The following SH3GL3 variants were observed in gnomAD, a reference collection of about 807,000 sequenced individuals.
The protein encoded by SH3GL3 is endophilin-A3.
Under a neutral mutation model 47.7 loss-of-function variants are expected in SH3GL3, and 33 were observed. The ratio of observed to expected loss-of-function variants is 0.69; its 90% CI spans 0.52 to 0.92. SH3GL3 has a LOEUF of 0.92. SH3GL3 is among the 40% of genes least tolerant of loss of function. The probability of loss-of-function intolerance (pLI) is 0.00; values close to 1 mark genes in which losing one functional copy is unlikely to be tolerated. For synonymous variants in SH3GL3, 155 were observed against 148.8 expected (o/e 1.04, Z -0.30); for missense variants, 363 against 417.8 (o/e 0.87, Z 1.14).
chr15:83,519,863 C>T lies in SH3GL3; in HGVS notation c.46-39390C>T, dbSNP rs1596165490. On this transcript the variant is annotated intron_variant, in intron 1 of 8. Transcript: ENST00000427482. ...ATTATGAAGCTACTCTTTATTTCAT[C>T]TTCTAAAGCTTTATAGTTTTGTTTT... Among the ~76,000 whole-genome samples the T allele has an allele frequency of 3.3e-5, 5 of 152,258 alleles. No individual in the cohort carries two copies. In the South Asian group the frequency reaches 6.2e-4, roughly 19 times the overall value.
chr15:83,521,646 G>T (rs1048853691), intron 1 of SH3GL3, among the ~76,000 whole-genome samples: 2 of 152,170 alleles, frequency 1.3e-5, no homozygotes, highest in South Asian at 4.1e-4. Context: ...TTGCAGAGTA[G>T]AATCACTGAG....
chr15:83,577,513 A>T (rs1457300809), intron 6 of SH3GL3, among the ~76,000 whole-genome samples: 1 of 151,844 alleles, frequency 6.6e-6, no homozygotes, highest in Non-Finnish European at 1.5e-5. Context: ...CGATCTTCCC[A>T]CCTCAGCCTC....
In SH3GL3 at chr15:83,526,665, G is replaced by A. The variant is rs986718975; in HGVS notation, c.46-32588G>A. On this transcript the variant is annotated intron_variant, in intron 1 of 8. Transcript: ENST00000427482. ...AACAGCAGACACTGGGCCTTCCAGA[G>A]GGTGGAGGGTTGAAGGAAGGAGAGG... 6.6e-5 allele frequency among the ~76,000 whole-genome samples: 10 copies of A among 152,140 alleles called. No individual in the cohort carries two copies. The South Asian group carries it at 2.1e-3, about 32-fold the overall frequency.
chr15:83,577,655 G>A (rs1470992386), intron 6 of SH3GL3, among the ~76,000 whole-genome samples: 1 of 152,100 alleles, frequency 6.6e-6, no homozygotes. Flanking sequence ...GCCTCCCAAA[G>A]TGCTGGGATT....
intron 1 of SH3GL3, among the ~76,000 whole-genome samples, chr15:83,551,248 G>A (rs2044654242): frequency 6.6e-6 from 1 of 152,172 alleles, no homozygotes. Flanking sequence ...ATCTCTGACT[G>A]TAGCACCAAG....
At chr15:83,517,565 A>G (rs146401081) in intron 1 of SH3GL3, among the ~76,000 whole-genome samples, 28 of 152,048 alleles carry the variant, frequency 1.8e-4, no homozygotes, top group East Asian at 5.8e-4. Context: ...ACCTTTTCGT[A>G]TATTTATTGG....
At chr15:83,600,878 T>G (rs2060361600) in intron 8 of SH3GL3, among the ~76,000 whole-genome samples, 1 of 152,164 alleles carries the variant, frequency 6.6e-6, no homozygotes, top group Admixed American at 6.5e-5. Flanking sequence ...TTCAGCAGTA[T>G]TTTGTAGTTT....
intron 8 of SH3GL3, among the ~76,000 whole-genome samples, chr15:83,599,933 G>A (rs550896289): frequency 1.2e-4 from 18 of 151,924 alleles, no homozygotes; most frequent in Admixed American, 3.3e-4. Flanking sequence ...TGCATTTCCC[G>A]GATCATTAGT....
intron 6 of SH3GL3, among the ~76,000 whole-genome samples, chr15:83,584,071 A>C (rs2059900488): frequency 6.6e-6 from 1 of 152,184 alleles, no homozygotes. Flanking sequence ...TCCAGCCTAG[A>C]GTCCTAAAAT....
intron 1 of SH3GL3, among the ~76,000 whole-genome samples, chr15:83,502,910 T>G (rs989649978): frequency 1.3e-5 from 2 of 152,180 alleles, no homozygotes; most frequent in Non-Finnish European, 2.9e-5. Flanking sequence ...TCCCAATATA[T>G]ATACCAGAGG....
intron 1 of SH3GL3, among the ~76,000 whole-genome samples, chr15:83,521,281 T>C (rs1484632623): frequency 1.3e-5 from 2 of 152,252 alleles, no homozygotes; most frequent in East Asian, 1.9e-4. Context: ...GGAACCGTGC[T>C]AAGTATTTCA....
chr15:83,581,501 A>G (rs1304011963), intron 6 of SH3GL3, among the ~76,000 whole-genome samples: 1 of 152,232 alleles, frequency 6.6e-6, no homozygotes, highest in Non-Finnish European at 1.5e-5. Flanking sequence ...GAGCGGGTGC[A>G]GAGACCACAA....
At chr15:83,541,747 C>T (rs1398870739) in intron 1 of SH3GL3, among the ~76,000 whole-genome samples, 1 of 152,088 alleles carries the variant, frequency 6.6e-6, no homozygotes, top group African/African-American at 2.4e-5. Flanking sequence ...TACCTGCTAG[C>T]CATTTGTATG....
At chr15:83,623,235 T>C (rs905274784), downstream of SH3GL3, among the ~76,000 whole-genome samples, 3 of 152,208 alleles carry the variant, frequency 2.0e-5, no homozygotes, top group Admixed American at 1.3e-4. Context: ...TGCCACATAA[T>C]GCTGTGTAAA....
chr15:83,622,436 A>T (rs2060917658), downstream of SH3GL3, among the ~76,000 whole-genome samples: 1 of 152,210 alleles, frequency 6.6e-6, no homozygotes, highest in African/African-American at 2.4e-5. Flanking sequence ...TGCCCATAAT[A>T]TGCTTAGCTG....
chr15:83,627,162 C>A, the SH3GL3 span, among the ~76,000 whole-genome samples: 2 of 152,100 alleles, frequency 1.3e-5, no homozygotes, highest in Non-Finnish European at 2.9e-5. Flanking sequence ...CTTTGGGAGG[C>A]CGAGGCGGGC....
chr15:83,625,711 T>C, the SH3GL3 span, among the ~76,000 whole-genome samples: 1 of 152,262 alleles, frequency 6.6e-6, no homozygotes, highest in Non-Finnish European at 1.5e-5. Flanking sequence ...TATCCATTTT[T>C]TTCTCCTCTT....
At chr15:83,595,495 G>C (rs1224225406) in intron 8 of SH3GL3, among the ~76,000 whole-genome samples, 2 of 145,630 alleles carry the variant, frequency 1.4e-5, no homozygotes, top group Admixed American at 7.1e-5. Context: ...ATGTACCCCT[G>C]AACCTAAAAG....
intron 1 of SH3GL3, chr15:83,491,040 G>T: frequency 1.4e-6 from 2 of 1,440,334 alleles, no homozygotes; most frequent in East Asian, 2.4e-5. Flanking sequence ...GTATTAGCAA[G>T]GAGTGATGAT....
Sources: allele counts gnomAD v4.1 joint callset (sites outside exome capture counted in the v4.1 genomes callset), GRCh38; gene constraint gnomAD v4.1.1; transcripts MANE v1.5; gene names NCBI Gene and HGNC (gene_info 2026-07-23, HGNC 2026-07-21).